PRKN: variants seen among roughly 807,000 people sequenced by gnomAD.
PRKN encodes the protein parkin RBR E3 ubiquitin protein ligase.
Under a neutral mutation model 59.5 loss-of-function variants are expected in PRKN, and 56 were observed. The ratio of observed to expected loss-of-function variants is 0.94; its 90% CI spans 0.76 to 1.18. PRKN has a LOEUF of 1.18. Ranked by LOEUF, PRKN falls within the 50% of genes most tolerant of loss-of-function variation. The pLI is 0.00. For synonymous variants in PRKN, 250 were observed against 222.1 expected (o/e 1.13, Z -1.12); for missense variants, 657 against 596.4 (o/e 1.10, Z -1.06).
At chr6:161,921,121 T>C (rs772782078) in intron 6 of PRKN, among the ~76,000 whole-genome samples, 8 of 152,200 alleles carry the variant, frequency 5.3e-5, no homozygotes, top group African/African-American at 1.2e-4. Flanking sequence ...TTTATATCTG[T>C]ATTCTATATG....
At chr6:162,059,404 C>G (rs1265020361) in intron 4 of PRKN, among the ~76,000 whole-genome samples, 1 of 152,172 alleles carries the variant, frequency 6.6e-6, no homozygotes, top group Non-Finnish European at 1.5e-5. Flanking sequence ...AACAACTGTC[C>G]AAGTGAATTT....
At chr6:162,365,577 G>A (rs923436750) in intron 2 of PRKN, among the ~76,000 whole-genome samples, 1 of 151,884 alleles carries the variant, frequency 6.6e-6, no homozygotes, top group African/African-American at 2.4e-5. Context: ...TTTCTTCCAT[G>A]CCTGGGCTAA....
chr6:161,841,154 G>C (rs1401763498), intron 6 of PRKN, among the ~76,000 whole-genome samples: 1 of 152,146 alleles, frequency 6.6e-6, no homozygotes, highest in Non-Finnish European at 1.5e-5. Context: ...CAAAGCCATG[G>C]AATCAATTTT....
chr6:162,467,747 T>C (rs142199266), intron 1 of PRKN, among the ~76,000 whole-genome samples: 36 of 152,086 alleles, frequency 2.4e-4, no homozygotes, highest in African/African-American at 8.5e-4. Context: ...CTACACTCCT[T>C]ACTGCAGCCT....
chr6:162,604,748 C>T (rs931659949), intron 1 of PRKN, among the ~76,000 whole-genome samples: 1 of 146,568 alleles, frequency 6.8e-6, no homozygotes, highest in South Asian at 2.2e-4. Flanking sequence ...TCACCTCTGA[C>T]AGTAAAACCC....
rs67927985 is a variant in PRKN, at chr6:162,327,645, GT to G, written c.172-64881del. On this transcript the variant is annotated intron_variant, in intron 2 of 11. Coordinates refer to ENST00000366898, the MANE Select transcript of PRKN (RefSeq NM_004562.3). Reference sequence around the variant, plus strand: ...GTCCTTGACAATGGTCTTCTCTACAGTTTTCAATGTTAGGTTTTGAAAATGT... The same window carrying G: ...GTCCTTGACAATGGTCTTCTCTACAGTTTCAATGTTAGGTTTTGAAAATGT... 1.8e-4 allele frequency among the ~76,000 whole-genome samples: 12 copies of G among 67,450 alleles called. 1 individual carries two copies. The highest frequency in any genetic ancestry group is 2.5e-4 in the Non-Finnish European group (7 of 27,926). 44.2% of individuals were successfully genotyped at this position (67,450 alleles called of 152,430 possible).
In PRKN at chr6:161,590,689, T is replaced by C. The variant is rs146957614; in HGVS notation, c.872-21273A>G. On this transcript the variant is annotated intron_variant, in intron 7 of 11. Coordinates refer to ENST00000366898, the MANE Select transcript of PRKN (RefSeq NM_004562.3). ...TGGAGGTTGTGGTGGGCCAAGATCA[T>C]GCCACTGCACTCCAGCCTGGGTGAC... Among the ~76,000 whole-genome samples, 1,431 of 150,520 alleles carry C rather than the reference T, an allele frequency of 9.5e-3. 27 individuals are homozygous for C. Among genetic ancestry groups the C allele is most frequent in the African/African-American group, 0.033 (1,352 of 40,848 alleles).
intron 1 of PRKN, among the ~76,000 whole-genome samples, chr6:162,693,212 T>C (rs900744497): frequency 2.0e-5 from 3 of 152,170 alleles, no homozygotes; most frequent in African/African-American, 7.2e-5. Flanking sequence ...CTGTATAAGA[T>C]GTATGTGCCC....
chr6:162,701,832 T>TAC lies in PRKN; in HGVS notation c.7+25828_7+25829dup, dbSNP rs59726370. Among the ~76,000 whole-genome samples, 81 of 147,982 alleles carry TAC rather than the reference T, an allele frequency of 5.5e-4. No individual in the cohort carries two copies. In the East Asian group the frequency reaches 5.5e-3, roughly 10 times the overall value. The stretch of plus-strand genomic sequence containing the variant: ...GAACACACACACACATTCACATACA[T>TAC]ACACACACACACACACACTCACATA... On this transcript the variant is annotated intron_variant, in intron 1 of 11. Transcript: ENST00000366898.
rs987392198 is a variant in PRKN, at chr6:161,371,279, C to T, written c.1168-11074G>A. 1.3e-5 allele frequency among the ~76,000 whole-genome samples: 2 copies of T among 151,876 alleles called. No individual in the cohort carries two copies. The highest frequency in any genetic ancestry group is 3.9e-4 in the East Asian group (2 of 5,142). On this transcript the variant is annotated intron_variant, in intron 10 of 11. Coordinates refer to ENST00000366898, the MANE Select transcript of PRKN (RefSeq NM_004562.3). The surrounding 1 kb of genome is among the most constrained non-coding windows in gnomAD (Gnocchi z 5.5). The stretch of plus-strand genomic sequence containing the variant: ...TCCTGGGTTCAAATGATTCTGCTGC[C>T]TCGGCCTCTCAAGTAGCTGGGGTTA...
intron 5 of PRKN, among the ~76,000 whole-genome samples, chr6:161,977,545 T>TG (rs1422805623): frequency 2.1e-5 from 3 of 144,766 alleles, no homozygotes; most frequent in African/African-American, 7.7e-5. Context: ...TTTTTTGGTT[T>TG]TTTTTTTTTT....
rs575244823 is a variant in PRKN at position 161,499,666 on chromosome 6, G to A, written c.1083+49188C>T. ...CAGACCTACTGGATTCGAGGTGGTGGTGGTTTCTGCATTTTCCATAAGTAA... is the reference window on the plus strand; with the variant it reads ...CAGACCTACTGGATTCGAGGTGGTGATGGTTTCTGCATTTTCCATAAGTAA... On this transcript the variant is annotated intron_variant, in intron 9 of 11. Coordinates refer to ENST00000366898, the MANE Select transcript of PRKN (RefSeq NM_004562.3). This position sits in a 1 kb window ranked among gnomAD's most constrained non-coding sequence, Gnocchi z 4.2. Among the ~76,000 whole-genome samples, 7 of 152,286 alleles carry A rather than the reference G, an allele frequency of 4.6e-5. No individual in the cohort carries two copies. Among genetic ancestry groups the A allele is most frequent in the African/African-American group, 1.7e-4 (7 of 41,550 alleles).
chr6:161,688,747 TC>T, intron 7 of PRKN, among the ~76,000 whole-genome samples: 1 of 152,278 alleles, frequency 6.6e-6, no homozygotes, highest in East Asian at 1.9e-4. Flanking sequence ...TGTTCACCAC[TC>T]AGTGAAGGTC....
chr6:161,818,546 C>T (rs537839496), intron 6 of PRKN, among the ~76,000 whole-genome samples: 40 of 152,008 alleles, frequency 2.6e-4, no homozygotes, highest in Middle Eastern at 3.4e-3. Flanking sequence ...GTTGCCCAGG[C>T]TGATCACCAA....
intron 6 of PRKN, among the ~76,000 whole-genome samples, chr6:161,878,942 T>C (rs1196439842): frequency 1.3e-5 from 2 of 152,200 alleles, no homozygotes; most frequent in African/African-American, 4.8e-5. Flanking sequence ...GTTGTATCAA[T>C]TTACACTTCT....
At chr6:162,544,875 C>A (rs1341063082) in intron 1 of PRKN, among the ~76,000 whole-genome samples, 1 of 150,144 alleles carries the variant, frequency 6.7e-6, no homozygotes, top group East Asian at 2.0e-4. Context: ...CAGGGTTTCA[C>A]CAGGTTGGCC....
chr6:161,606,010 T>C (rs11963420), intron 7 of PRKN, among the ~76,000 whole-genome samples: 1,894 of 152,164 alleles, frequency 0.012, 54 homozygotes, highest in African/African-American at 0.042. Flanking sequence ...GTGGTGGTGG[T>C]AGTCCTAGGA....
intron 8 of PRKN, among the ~76,000 whole-genome samples, chr6:161,563,561 T>C (rs1410343275): frequency 2.6e-5 from 4 of 152,300 alleles, no homozygotes; most frequent in East Asian, 1.9e-4. Context: ...AGGTGCTATA[T>C]GAATATGAAT....
chr6:161,704,121 G>T (rs1029741644), intron 7 of PRKN, among the ~76,000 whole-genome samples: 3 of 152,176 alleles, frequency 2.0e-5, no homozygotes, highest in Non-Finnish European at 4.4e-5. Flanking sequence ...CTCCCAAAGT[G>T]CTGGGATTGC....
Sources: gnomAD v4.1 joint callset for allele counts (sites outside exome capture counted in the v4.1 genomes callset) on GRCh38, gnomAD v4.1.1 for gene constraint, Gnocchi (gnomAD v3.1) non-coding constraint, MANE v1.5 for transcripts, NCBI Gene and HGNC (gene_info 2026-07-23, HGNC 2026-07-21) for gene names.